COL25A1: variants seen among roughly 807,000 people sequenced by gnomAD.
COL25A1 encodes the protein collagen type XXV alpha 1 chain.
In COL25A1, 103 loss-of-function variants were observed where a neutral mutation model predicts 128.4. The ratio of observed to expected loss-of-function variants is 0.80; its 90% CI spans 0.68 to 0.94. The LOEUF (loss-of-function observed/expected upper bound fraction) is 0.94, where lower values mean the gene tolerates loss of function less well. COL25A1 is among the 40% of genes least tolerant of loss of function. The probability of loss-of-function intolerance (pLI) is 0.00; values close to 1 mark genes in which losing one functional copy is unlikely to be tolerated. For synonymous variants in COL25A1, 279 were observed against 277.2 expected, an observed-to-expected ratio of 1.01 and a Z score of -0.06; for missense variants, 745 against 840.0, an observed-to-expected ratio of 0.89 and a Z score of 1.40.
chr4:108,847,605 T>C (rs931838949), intron 27 of COL25A1, among the ~76,000 whole-genome samples: 6 of 151,908 alleles, frequency 3.9e-5, no homozygotes, highest in African/African-American at 1.5e-4. Context: ...AAAAAAAAGC[T>C]AGCTACTATA....
At chr4:108,881,245 T>C (rs1017621239) in intron 19 of COL25A1, among the ~76,000 whole-genome samples, 8 of 152,190 alleles carry the variant, frequency 5.3e-5, no homozygotes, top group African/African-American at 1.9e-4. Context: ...GATAGATAGA[T>C]GAGTCTGCTG....
chr4:109,075,687 A>G (rs574056771), intron 3 of COL25A1, among the ~76,000 whole-genome samples: 29 of 152,266 alleles, frequency 1.9e-4, no homozygotes, highest in Middle Eastern at 3.4e-3. Context: ...ATAAAAATAT[A>G]TTAAGAATTT....
chr4:108,937,738 C>G (rs1747606094), intron 11 of COL25A1, 70 bp downstream of exon 11: 1 of 1,288,014 alleles, frequency 7.8e-7, no homozygotes, highest in African/African-American at 1.5e-5. Flanking sequence ...ATACATTCAT[C>G]ACACATAATC....
At chr4:109,104,192 T>C (rs1273461732) in intron 3 of COL25A1, among the ~76,000 whole-genome samples, 2 of 152,010 alleles carry the variant, frequency 1.3e-5, no homozygotes, top group Non-Finnish European at 2.9e-5. Flanking sequence ...TAGCAAAATG[T>C]TGAGACCCTG....
chr4:108,957,908 T>A (rs1750252936), intron 8 of COL25A1, among the ~76,000 whole-genome samples: 1 of 152,166 alleles, frequency 6.6e-6, no homozygotes, highest in Admixed American at 6.5e-5. Context: ...AAACCATTTT[T>A]AATTCTAATA....
chr4:109,301,706 AC>A lies in COL25A1; in HGVS notation c.297+16del. Reference sequence around the variant, plus strand: ...ACAAGATGTTACCCACGTGCAAAATACCCCAGCCTCTCACACCTGAGCCAGA... The same window carrying A: ...ACAAGATGTTACCCACGTGCAAAATACCCAGCCTCTCACACCTGAGCCAGA... On this transcript the variant is annotated intron_variant, in intron 2 of 37. Transcript: ENST00000399132. The A allele has an allele frequency of 6.2e-7, 1 of 1,605,608 alleles. No individual in the cohort carries two copies. Among genetic ancestry groups the A allele is most frequent in the Non-Finnish European group, 8.5e-7 (1 of 1,174,814 alleles).
intron 3 of COL25A1, among the ~76,000 whole-genome samples, chr4:109,064,661 G>T (rs954509946): frequency 9.9e-5 from 15 of 152,186 alleles, no homozygotes; most frequent in Non-Finnish European, 2.1e-4. Context: ...GACCTCCCAT[G>T]CATTGTCATT....
At chr4:109,295,847 A>G (rs551370576) in intron 3 of COL25A1, among the ~76,000 whole-genome samples, 2 of 152,200 alleles carry the variant, frequency 1.3e-5, no homozygotes, top group Admixed American at 1.3e-4. Flanking sequence ...CTTATTTTGT[A>G]CACCATCATT....
At chr4:109,022,168 T>A (rs1369224875) in intron 5 of COL25A1, 1 of 453,568 alleles carries the variant, frequency 2.2e-6, no homozygotes. Context: ...ATCACGGACC[T>A]GCCGATATGT....
rs143167574 is a variant in COL25A1 at position 108,867,837 on chromosome 4, G to C, written c.1083+1251C>G. ...GAGCTGTACTTTTTATGTCTTTCAGGGTAGATAAAAAGAGAACTCTGGGTC... is the reference window on the plus strand; with the variant it reads ...GAGCTGTACTTTTTATGTCTTTCAGCGTAGATAAAAAGAGAACTCTGGGTC... On this transcript the variant is annotated intron_variant, in intron 20 of 37. Transcript: ENST00000399132. 8.2e-4 allele frequency among the ~76,000 whole-genome samples: 124 copies of C among 152,022 alleles called. 3 individuals carry two copies. In the East Asian group the frequency reaches 0.022, roughly 28 times the overall value.
intron 5 of COL25A1, among the ~76,000 whole-genome samples, chr4:109,028,066 T>C (rs28621391): frequency 0.012 from 1,885 of 152,198 alleles, 25 homozygotes; most frequent in Middle Eastern, 0.037. Flanking sequence ...GCAATGTAAA[T>C]AAGGAAGAAG....
rs1198836922 is a variant in COL25A1, at chr4:109,240,205, T to C, written c.367+60378A>G. Among the ~76,000 whole-genome samples the C allele has an allele frequency of 3.9e-5, 6 of 152,098 alleles. No individual in the cohort carries two copies. The East Asian group carries it at 1.2e-3, about 29-fold the overall frequency. The stretch of plus-strand genomic sequence containing the variant: ...CCAGTAACATAGTTGTTTATTATCA[T>C]TACCAAGTATTACGTACTGTGCATA... On this transcript the variant is annotated intron_variant, in intron 3 of 37. Transcript: ENST00000399132.
intron 3 of COL25A1, among the ~76,000 whole-genome samples, chr4:109,218,357 G>GTTTTTTTTTTTTTGTTTTTTTT (rs1778170328): frequency 1.4e-5 from 1 of 73,530 alleles, no homozygotes; most frequent in African/African-American, 5.6e-5. Flanking sequence ...GTTTTTTGGG[G>GTTTTTTTTTTTTTGTTTTTTTT]TTTTTTTTTT....
chr4:109,026,100 G>GCACACACACACACACACACACA (rs56718544), intron 5 of COL25A1, among the ~76,000 whole-genome samples: 1 of 137,046 alleles, frequency 7.3e-6, no homozygotes, highest in African/African-American at 2.7e-5. Context: ...AAAACACTTT[G>GCACACACACACACACACACACA]CACACACACA....
chr4:109,083,448 A>AAT (rs377354398), intron 3 of COL25A1, among the ~76,000 whole-genome samples: 11 of 77,058 alleles, frequency 1.4e-4, no homozygotes, highest in East Asian at 3.5e-4. Flanking sequence ...CACTAAATAA[A>AAT]TTTTTTTTTT....
chr4:108,818,455 T>C (rs1464362619), intron 36 of COL25A1, among the ~76,000 whole-genome samples: 2 of 152,162 alleles, frequency 1.3e-5, no homozygotes, highest in African/African-American at 4.8e-5. Flanking sequence ...TATACTTTCA[T>C]TTTAAATGTA....
intron 24 of COL25A1, among the ~76,000 whole-genome samples, chr4:108,855,191 G>GTTTTTTTT: frequency 7.6e-6 from 1 of 131,950 alleles, no homozygotes; most frequent in Non-Finnish European, 1.6e-5. Context: ...TGTTGTTACT[G>GTTTTTTTT]TTTTTTTTTT....
At chr4:109,070,025 G>A (rs1449448475) in intron 3 of COL25A1, among the ~76,000 whole-genome samples, 1 of 150,172 alleles carries the variant, frequency 6.7e-6, no homozygotes, top group Non-Finnish European at 1.5e-5. Context: ...GGGAGGCCAA[G>A]GTGGGCAGAT....
intron 6 of COL25A1, among the ~76,000 whole-genome samples, chr4:108,984,380 C>T (rs540679919): frequency 6.6e-6 from 1 of 152,344 alleles, no homozygotes; most frequent in African/African-American, 2.4e-5. Context: ...CAGTCCCCCA[C>T]AGTGCGCCTG....
Sources: gnomAD v4.1 joint callset for allele counts (sites outside exome capture counted in the v4.1 genomes callset) on GRCh38, gnomAD v4.1.1 for gene constraint, MANE v1.5 for transcripts, NCBI Gene and HGNC (gene_info 2026-07-23, HGNC 2026-07-21) for gene names.